The following DAB1 variants were observed in gnomAD, a reference collection of about 807,000 sequenced individuals.
DAB1 encodes disabled homolog 1.
Under a neutral mutation model 64.6 loss-of-function variants are expected in DAB1, and 15 were observed. That is an observed-to-expected ratio of 0.23 (90% CI 0.16 to 0.36). The LOEUF (loss-of-function observed/expected upper bound fraction) is 0.36. DAB1 is among the 10% of genes least tolerant of loss of function. The pLI is 1.00. For missense variants in DAB1, 596 were observed against 706.7 expected (o/e 0.84, Z 1.78); for synonymous variants, 235 against 251.9 (o/e 0.93, Z 0.64).
chr1:57,403,832 T>C (rs1683428458), intron 1 of DAB1, among the ~76,000 whole-genome samples: 1 of 152,188 alleles, frequency 6.6e-6, no homozygotes, highest in Non-Finnish European at 1.5e-5. Context: ...TAAATAAAAT[T>C]AAATGTAGAA....
At chr1:58,196,041 T>A (rs925091692) in intron 4 of DAB1, among the ~76,000 whole-genome samples, 6 of 152,156 alleles carry the variant, frequency 3.9e-5, no homozygotes, top group South Asian at 4.1e-4. Flanking sequence ...AGGTCTGGGC[T>A]CAGAGAAAAA....
chr1:57,208,355 T>C (rs1416884497), intron 2 of DAB1, among the ~76,000 whole-genome samples: 1 of 152,220 alleles, frequency 6.6e-6, no homozygotes, highest in Non-Finnish European at 1.5e-5. Context: ...AATGCAGCTA[T>C]GAGCAGTTAG....
chr1:57,524,980 A>C (rs1348198725), intron 7 of DAB1, among the ~76,000 whole-genome samples: 2 of 152,236 alleles, frequency 1.3e-5, no homozygotes, highest in African/African-American at 4.8e-5. Flanking sequence ...AATGCTAGGA[A>C]TCAATGAAAC....
At chr1:57,016,636 C>T (rs1646442022) in intron 11 of DAB1, among the ~76,000 whole-genome samples, 1 of 151,830 alleles carries the variant, frequency 6.6e-6, no homozygotes, top group African/African-American at 2.4e-5. Context: ...TCAGGGGCAC[C>T]TCATGCATCA....
At chr1:57,944,277 C>T (rs1189754602) in intron 5 of DAB1, among the ~76,000 whole-genome samples, 1 of 152,116 alleles carries the variant, frequency 6.6e-6, no homozygotes, top group Admixed American at 6.5e-5. Flanking sequence ...ATCACCTGTT[C>T]CACCCTCCTC....
chr1:57,766,265 T>C (rs1315014264), intron 6 of DAB1, among the ~76,000 whole-genome samples: 1 of 93,832 alleles, frequency 1.1e-5, no homozygotes, highest in Non-Finnish European at 2.2e-5. Context: ...AGCAGGCAGA[T>C]TAAAAAAAAA....
chr1:57,786,978 T>C (rs1168393516), intron 6 of DAB1, among the ~76,000 whole-genome samples: 3 of 152,088 alleles, frequency 2.0e-5, no homozygotes, highest in Admixed American at 6.6e-5. Flanking sequence ...ATTTTTATGC[T>C]GTTACCATTA....
At chr1:58,025,966 C>T (rs562522321) in intron 5 of DAB1, among the ~76,000 whole-genome samples, 7 of 152,136 alleles carry the variant, frequency 4.6e-5, no homozygotes, top group African/African-American at 1.4e-4. Flanking sequence ...AGGGCCATGT[C>T]ACCCCAAACA....
At chr1:57,758,401 G>T (rs564566932) in intron 6 of DAB1, among the ~76,000 whole-genome samples, 1 of 152,284 alleles carries the variant, frequency 6.6e-6, no homozygotes, top group East Asian at 1.9e-4. Context: ...CCTAACTTGG[G>T]GAAAAGAAGT....
chr1:57,384,837 T>C (rs1391558504), intron 1 of DAB1, among the ~76,000 whole-genome samples: 1 of 152,164 alleles, frequency 6.6e-6, no homozygotes, highest in African/African-American at 2.4e-5. Flanking sequence ...GCCAACACTA[T>C]TGAACAACAT....
In DAB1 at chr1:57,100,923, T is replaced by C. The variant is rs149041877; in HGVS notation, c.307-28509A>G. 2.4e-3 allele frequency among the ~76,000 whole-genome samples: 365 copies of C among 152,238 alleles called. 1 individual carries two copies. Among genetic ancestry groups the C allele is most frequent in the African/African-American group, 8.6e-3 (356 of 41,536 alleles). On this transcript the variant is annotated intron_variant, in intron 4 of 14. Coordinates refer to ENST00000371236, the MANE Select transcript of DAB1 (RefSeq NM_001365792.1). ...AATAATATTAAATATTTTTTAGCCT[T>C]TATCATATGCCAGACATGGTTTAAG...
intron 4 of DAB1, among the ~76,000 whole-genome samples, chr1:58,295,959 G>A (rs1461636053): frequency 6.6e-6 from 1 of 151,550 alleles, no homozygotes; most frequent in Non-Finnish European, 1.5e-5. Context: ...CAGGCATGGT[G>A]GCACACCCGT....
At chr1:57,917,689 G>A (rs1340123751) in intron 5 of DAB1, among the ~76,000 whole-genome samples, 1 of 152,130 alleles carries the variant, frequency 6.6e-6, no homozygotes, top group Non-Finnish European at 1.5e-5. Flanking sequence ...TATACTTCCA[G>A]GAATCCATTT....
chr1:57,341,861 G>A (rs140102022), intron 1 of DAB1, among the ~76,000 whole-genome samples: 262 of 152,284 alleles, frequency 1.7e-3, no homozygotes, highest in Middle Eastern at 0.01. Context: ...TGATGCTATA[G>A]ACAGCACGCT....
chr1:58,379,647 C>T (rs544750605), intron 3 of DAB1, among the ~76,000 whole-genome samples: 1 of 152,356 alleles, frequency 6.6e-6, no homozygotes, highest in African/African-American at 2.4e-5. Flanking sequence ...CCATCCCAGG[C>T]TCTAGGGATA....
intron 6 of DAB1, among the ~76,000 whole-genome samples, chr1:57,735,473 G>C (rs1647639688): frequency 6.6e-6 from 1 of 152,038 alleles, no homozygotes; most frequent in Non-Finnish European, 1.5e-5. Context: ...TATGTCAGGT[G>C]GTGTGCTAGC....
At chr1:57,103,291 G>A (rs957055328) in intron 4 of DAB1, among the ~76,000 whole-genome samples, 4 of 152,148 alleles carry the variant, frequency 2.6e-5, no homozygotes, top group African/African-American at 9.7e-5. Context: ...ACACGTCACT[G>A]CAGATGTGTT....
At chr1:57,548,824 G>T (rs927499115) in intron 7 of DAB1, among the ~76,000 whole-genome samples, 12 of 152,096 alleles carry the variant, frequency 7.9e-5, no homozygotes, top group African/African-American at 1.9e-4. Context: ...CACAGCCACA[G>T]TAACTAACAT....
intron 3 of DAB1, among the ~76,000 whole-genome samples, chr1:58,442,686 C>T (rs112774630): frequency 6.6e-6 from 1 of 152,188 alleles, no homozygotes; most frequent in African/African-American, 2.4e-5. Context: ...TGTCCTTGGG[C>T]AAGTCACTTA....
Sources: gnomAD v4.1 joint callset for allele counts (sites outside exome capture counted in the v4.1 genomes callset) on GRCh38, gnomAD v4.1.1 for gene constraint, MANE v1.5 for transcripts, NCBI Gene and HGNC (gene_info 2026-07-23, HGNC 2026-07-21) for gene names.